RBM47: variants seen among roughly 807,000 people sequenced by gnomAD.
RBM47 encodes RNA-binding protein 47.
RBM47 carries 21 observed loss-of-function variants against 47.1 expected under a neutral mutation model. That is an observed-to-expected ratio of 0.45 (90% CI 0.32 to 0.64). The LOEUF is 0.64. RBM47 is among the 30% of genes least tolerant of loss of function. The probability of loss-of-function intolerance (pLI) is 0.05; values close to 1 mark genes in which losing one functional copy is unlikely to be tolerated. For synonymous variants in RBM47, 375 were observed against 361.7 expected (o/e 1.04, Z -0.42); for missense variants, 708 against 870.9 (o/e 0.81, Z 2.35).
intron 2 of RBM47, among the ~76,000 whole-genome samples, chr4:40,487,940 A>G (rs112900598): frequency 3.8e-5 from 2 of 52,320 alleles, no homozygotes; most frequent in Non-Finnish European, 7.6e-5. Flanking sequence ...CAGAGGAGGG[A>G]AAAAAACGGA....
At chr4:40,561,739 G>T (rs1316423231) in intron 1 of RBM47, among the ~76,000 whole-genome samples, 1 of 151,632 alleles carries the variant, frequency 6.6e-6, no homozygotes, top group African/African-American at 2.4e-5. Context: ...TTGCAGAGAT[G>T]GGGTTTCGTT....
At chr4:40,594,728 C>T (rs759965985) in intron 1 of RBM47, among the ~76,000 whole-genome samples, 2 of 152,192 alleles carry the variant, frequency 1.3e-5, no homozygotes, top group Non-Finnish European at 2.9e-5. Flanking sequence ...ATCCTTGTTT[C>T]TCCCGGCCAC....
At chr4:40,464,928 TTAAACAACCAAACAAAATCAGAG>T (rs1717780580) in intron 3 of RBM47, among the ~76,000 whole-genome samples, 1 of 127,262 alleles carries the variant, frequency 7.9e-6, no homozygotes, top group Non-Finnish European at 1.7e-5. Context: ...GAAAAGAAAA[TTAAACAACCAAACAAAATCAGAG>T]TAAATACACC....
intron 2 of RBM47, among the ~76,000 whole-genome samples, chr4:40,518,759 G>A (rs1448812989): frequency 6.6e-6 from 1 of 151,884 alleles, no homozygotes; most frequent in African/African-American, 2.4e-5. Flanking sequence ...GAATTGTCTT[G>A]GGCCACACAT....
intron 1 of RBM47, among the ~76,000 whole-genome samples, chr4:40,590,144 G>A (rs1182857937): frequency 1.3e-5 from 2 of 152,154 alleles, no homozygotes. Flanking sequence ...TACTGAGAAA[G>A]TTTTTTTGTA....
intron 1 of RBM47, among the ~76,000 whole-genome samples, chr4:40,593,823 G>A (rs942127130): frequency 6.6e-6 from 1 of 150,830 alleles, no homozygotes; most frequent in Non-Finnish European, 1.5e-5. Context: ...GGCAGAGCTT[G>A]CAGTGAGCCG....
intron 1 of RBM47, among the ~76,000 whole-genome samples, chr4:40,626,123 C>T (rs562952861): frequency 1.3e-5 from 2 of 152,184 alleles, no homozygotes; most frequent in Admixed American, 6.5e-5. Context: ...ACCCACAAAT[C>T]GTTGTTTACA....
At chr4:40,533,677 C>G (rs1727630401) in intron 2 of RBM47, among the ~76,000 whole-genome samples, 1 of 151,946 alleles carries the variant, frequency 6.6e-6, no homozygotes, top group Non-Finnish European at 1.5e-5. Flanking sequence ...AGTCTGTCAC[C>G]CAGGCTAGAG....
intron 1 of RBM47, among the ~76,000 whole-genome samples, chr4:40,581,631 G>A (rs1732957481): frequency 6.6e-6 from 1 of 151,544 alleles, no homozygotes; most frequent in South Asian, 2.1e-4. Flanking sequence ...GGGTGGTGGG[G>A]GAAGAGGTGA....
chr4:40,529,870 AAATAAAT>A (rs1727200404), intron 2 of RBM47, among the ~76,000 whole-genome samples: 1 of 149,460 alleles, frequency 6.7e-6, no homozygotes. Flanking sequence ...ATAAATAAAT[AAATAAAT>A]ATTAAAATAA....
chr4:40,479,599 T>A (rs1720096032), intron 2 of RBM47, among the ~76,000 whole-genome samples: 1 of 150,418 alleles, frequency 6.6e-6, no homozygotes, highest in African/African-American at 2.5e-5. Context: ...GTCTCAAAAA[T>A]AAATAAATAA....
At chr4:40,450,875 CA>C (rs980867042) in intron 3 of RBM47, among the ~76,000 whole-genome samples, 4 of 152,028 alleles carry the variant, frequency 2.6e-5, no homozygotes, top group Admixed American at 6.6e-5. Flanking sequence ...AATCTGGGGG[CA>C]GGGGGTGCGC....
chr4:40,508,469 GA>G, intron 2 of RBM47, among the ~76,000 whole-genome samples: 1 of 152,298 alleles, frequency 6.6e-6, no homozygotes, highest in East Asian at 1.9e-4. Context: ...TTTAATTCCT[GA>G]AAATGCTCTG....
chr4:40,610,603 T>C (rs1578066651), intron 1 of RBM47, among the ~76,000 whole-genome samples: 8 of 108,106 alleles, frequency 7.4e-5, no homozygotes, highest in East Asian at 2.6e-4. Context: ...AGAGTGAGAC[T>C]CCATCTCAAA....
intron 3 of RBM47, among the ~76,000 whole-genome samples, chr4:40,459,911 T>G (rs1167537025): frequency 1.3e-5 from 2 of 152,204 alleles, no homozygotes; most frequent in African/African-American, 4.8e-5. Flanking sequence ...TGTGCCACCA[T>G]GCCTATAGCT....
In RBM47 at chr4:40,464,890, CAAAAAA is replaced by C. The variant is rs71646997; in HGVS notation, c.-32+1681_-32+1686del. Among the ~76,000 whole-genome samples the C allele has an allele frequency of 5.9e-4, 19 of 32,096 alleles. No individual in the cohort carries two copies. In the South Asian group the frequency reaches 0.026, roughly 43 times the overall value. The allele number at this position is 32,096 out of a possible 152,430, so 21.1% of individuals were successfully genotyped here. On this transcript the variant is annotated intron_variant, in intron 3 of 6. Transcript: ENST00000295971. ...TGGGCGACAGAGCAAGACTCTGTCT[CAAAAAA>C]AAAAAAAAAAAAAAAAAAAAGGAAA...
chr4:40,574,196 G>A (rs1732072287), intron 1 of RBM47, among the ~76,000 whole-genome samples: 1 of 152,206 alleles, frequency 6.6e-6, no homozygotes, highest in African/African-American at 2.4e-5. Context: ...CTCCCAGAGT[G>A]TAGGAAACTC....
rs539853679 is a variant in RBM47 at position 40,509,102 on chromosome 4, G to T, written c.-155+35320C>A. 2.3e-4 allele frequency among the ~76,000 whole-genome samples: 35 copies of T among 152,150 alleles called. No individual in the cohort carries two copies. The South Asian group carries it at 5.0e-3, about 22-fold the overall frequency. ...TTGAATCTGGGAAGCTGAGGTTGTA[G>T]TGAGCCGAGATTGTGCCACTGCACT... On this transcript the variant is annotated intron_variant, in intron 2 of 6. Coordinates refer to ENST00000295971, the MANE Select transcript of RBM47 (RefSeq NM_001098634.2).
At chr4:40,506,983 A>T (rs1010374291) in intron 2 of RBM47, among the ~76,000 whole-genome samples, 7 of 152,016 alleles carry the variant, frequency 4.6e-5, no homozygotes, top group Non-Finnish European at 1.0e-4. Flanking sequence ...AAAAACACAG[A>T]TTCTGCTCTG....
Sources: gnomAD v4.1 joint callset for allele counts (sites outside exome capture counted in the v4.1 genomes callset) on GRCh38, gnomAD v4.1.1 for gene constraint, MANE v1.5 for transcripts, NCBI Gene and HGNC (gene_info 2026-07-23, HGNC 2026-07-21) for gene names.